The following UIMC1 variants were observed in gnomAD, a reference collection of about 807,000 sequenced individuals.
The protein encoded by UIMC1 is ubiquitin interaction motif containing 1.
Under a neutral mutation model 84.9 loss-of-function variants are expected in UIMC1, and 42 were observed. The ratio of observed to expected loss-of-function variants is 0.49; its 90% confidence interval spans 0.39 to 0.64. The LOEUF (loss-of-function observed/expected upper bound fraction) is 0.64. UIMC1 is among the 30% of genes least tolerant of loss of function. The pLI is 0.00. For missense variants in UIMC1, 825 were observed against 847.6 expected (o/e 0.97, Z 0.33); for synonymous variants, 281 against 293.0 (o/e 0.96, Z 0.42).
At chr5:176,989,515 C>A (rs62398693) in intron 1 of UIMC1, among the ~76,000 whole-genome samples, 20,063 of 151,908 alleles carry the variant, frequency 0.13, 1,688 homozygotes, top group East Asian at 0.19. Flanking sequence ...CAAAAATTAG[C>A]TGGGTGTGGT....
chr5:176,923,306 G>GA (rs1262431718), intron 10 of UIMC1, among the ~76,000 whole-genome samples: 2 of 152,166 alleles, frequency 1.3e-5, no homozygotes, highest in Non-Finnish European at 2.9e-5. Context: ...TAAAAGAATG[G>GA]AAAAAGATGT....
At chr5:176,915,703 C>T (rs1036289221) in intron 10 of UIMC1, among the ~76,000 whole-genome samples, 8 of 150,780 alleles carry the variant, frequency 5.3e-5, no homozygotes, top group Admixed American at 4.0e-4. Context: ...ATCCACCCAC[C>T]GCAGCCTCCC....
At chr5:176,949,459 G>C (rs1765568670) in intron 9 of UIMC1, among the ~76,000 whole-genome samples, 1 of 152,218 alleles carries the variant, frequency 6.6e-6, no homozygotes, top group Non-Finnish European at 1.5e-5. Flanking sequence ...TCTTCTGTAT[G>C]TTAGGATGAC....
At chr5:176,927,092 T>A (rs1383089094) in intron 10 of UIMC1, among the ~76,000 whole-genome samples, 1 of 151,918 alleles carries the variant, frequency 6.6e-6, no homozygotes, top group Non-Finnish European at 1.5e-5. Flanking sequence ...TCAGGTATGG[T>A]TGGCTCATGC....
chr5:176,996,088 A>G (rs1225381585), intron 1 of UIMC1, among the ~76,000 whole-genome samples: 1 of 152,176 alleles, frequency 6.6e-6, no homozygotes, highest in Non-Finnish European at 1.5e-5. Context: ...CTATCTCTAC[A>G]ATGAAAAATT....
chr5:176,994,707 T>C (rs1429226467), intron 1 of UIMC1, among the ~76,000 whole-genome samples: 1 of 151,510 alleles, frequency 6.6e-6, no homozygotes, highest in African/African-American at 2.4e-5. Context: ...TGAAAGGGAG[T>C]TGGCTAGTTT....
intron 11 of UIMC1, among the ~76,000 whole-genome samples, chr5:176,910,945 C>T (rs372597382): frequency 1.3e-5 from 2 of 151,748 alleles, no homozygotes; most frequent in Non-Finnish European, 1.5e-5. Flanking sequence ...CAAAATTAGC[C>T]GGGCGTGGTG....
chr5:177,018,349 C>CAAAAAAAAAAA (rs373953088), intron 1 of UIMC1, among the ~76,000 whole-genome samples: 1 of 134,908 alleles, frequency 7.4e-6, no homozygotes, highest in African/African-American at 2.8e-5. Context: ...GACTCTGTCT[C>CAAAAAAAAAAA]AAAAAAAAAA....
At chr5:176,919,559 T>C (rs1761442923) in intron 10 of UIMC1, among the ~76,000 whole-genome samples, 1 of 152,140 alleles carries the variant, frequency 6.6e-6, no homozygotes, top group Non-Finnish European at 1.5e-5. Context: ...ACTCTAAGGA[T>C]CCTCCTGCCT....
intron 10 of UIMC1, among the ~76,000 whole-genome samples, chr5:176,928,261 G>A (rs1379610951): frequency 6.6e-6 from 1 of 152,174 alleles, no homozygotes; most frequent in African/African-American, 2.4e-5. Context: ...AAAGACTTGA[G>A]TAGTTGCGAC....
intron 1 of UIMC1, among the ~76,000 whole-genome samples, chr5:177,017,295 A>G (rs1775693530): frequency 6.6e-6 from 1 of 152,228 alleles, no homozygotes; most frequent in Non-Finnish European, 1.5e-5. Flanking sequence ...AAAGACTATT[A>G]GGAGGTAACT....
In UIMC1 at chr5:177,000,498, C is replaced by CTTTTTTT. The variant is rs966855813; in HGVS notation, c.-9+6145_-9+6151dup. 4.3e-3 allele frequency among the ~76,000 whole-genome samples: 492 copies of CTTTTTTT among 113,304 alleles called. 20 individuals are homozygous for CTTTTTTT. Among genetic ancestry groups the CTTTTTTT allele is most frequent in the African/African-American group, 0.018 (462 of 25,036 alleles). The allele number at this position is 113,304 out of a possible 152,430, so 74.3% of individuals were successfully genotyped here. A position where few individuals can be genotyped will look rare whatever the true frequency, so the allele number is the denominator to read the frequency against. On this transcript the variant is annotated intron_variant, in intron 1 of 14. Transcript: ENST00000511320. ...ATATGCCTGTTTTCCACTTGCATGTCTTTTTTTTTTTTTTTTTTTGAGATG... is the reference window on the plus strand; with the variant it reads ...ATATGCCTGTTTTCCACTTGCATGTCTTTTTTTTTTTTTTTTTTTTTTTTTTGAGATG...
chr5:176,911,651 C>T (rs1760233566), intron 10 of UIMC1, among the ~76,000 whole-genome samples: 1 of 152,354 alleles, frequency 6.6e-6, no homozygotes, highest in South Asian at 2.1e-4. Flanking sequence ...ATCTACTCCA[C>T]ACCAAGAAAA....
intron 2 of UIMC1, among the ~76,000 whole-genome samples, chr5:176,979,793 G>A (rs1770736691): frequency 6.6e-6 from 1 of 152,094 alleles, no homozygotes; most frequent in African/African-American, 2.4e-5. Flanking sequence ...AGGTCTCCCG[G>A]AAATACTATA....
At chr5:176,964,941 T>C (rs1280816085) in intron 6 of UIMC1, among the ~76,000 whole-genome samples, 1 of 152,138 alleles carries the variant, frequency 6.6e-6, no homozygotes, top group Non-Finnish European at 1.5e-5. Flanking sequence ...TGGGAGAGAT[T>C]AAGTCTCCTG....
intron 6 of UIMC1, 52 bp downstream of exon 6, chr5:176,968,503 T>C: frequency 6.5e-7 from 1 of 1,529,742 alleles, no homozygotes; most frequent in Non-Finnish European, 8.7e-7. Flanking sequence ...AAATAATCCT[T>C]GTTTTAATCT....
intron 10 of UIMC1, among the ~76,000 whole-genome samples, chr5:176,937,016 A>G (rs930199558): frequency 6.6e-6 from 1 of 152,190 alleles, no homozygotes; most frequent in African/African-American, 2.4e-5. Context: ...TGCTCACTGT[A>G]TCTGTTATAT....
intron 13 of UIMC1, 196 bp from the exon 14 acceptor site, chr5:176,906,243 G>T: frequency 3.6e-6 from 2 of 553,138 alleles, no homozygotes; most frequent in South Asian, 2.4e-5. Flanking sequence ...GCACTCAGAT[G>T]AACACTTTTG....
intron 10 of UIMC1, among the ~76,000 whole-genome samples, chr5:176,940,671 G>C (rs1314408653): frequency 6.6e-6 from 1 of 152,068 alleles, no homozygotes; most frequent in African/African-American, 2.4e-5. Flanking sequence ...GTGGTTGATA[G>C]CCAGATTTAG....
Sources: allele counts gnomAD v4.1 joint callset (sites outside exome capture counted in the v4.1 genomes callset), GRCh38; gene constraint gnomAD v4.1.1; transcripts MANE v1.5; gene names NCBI Gene and HGNC (gene_info 2026-07-23, HGNC 2026-07-21).